SLC14A2: variants seen among roughly 807,000 people sequenced by gnomAD.
SLC14A2 encodes solute carrier family 14 member 2.
In SLC14A2, 91 loss-of-function variants were observed where a neutral mutation model predicts 104.6. That is an observed-to-expected ratio of 0.87 (90% CI 0.73 to 1.04). The LOEUF is 1.04. Ranked by LOEUF, SLC14A2 falls within the 50% of genes least tolerant of loss-of-function variation. The pLI, the probability that SLC14A2 is intolerant of heterozygous loss-of-function variation, is 0.00. For missense variants in SLC14A2, 1,189 were observed against 1,156.0 expected, an observed-to-expected ratio of 1.03 and a Z score of -0.41; for synonymous variants, 476 against 466.4, an observed-to-expected ratio of 1.02 and a Z score of -0.27.
At chr18:45,335,911 A>T (rs1038442780) in intron 1 of SLC14A2, among the ~76,000 whole-genome samples, 1 of 152,192 alleles carries the variant, frequency 6.6e-6, no homozygotes, top group Non-Finnish European at 1.5e-5. Context: ...AGGTAGATGA[A>T]GCGCTGGGCT....
intron 1 of SLC14A2, among the ~76,000 whole-genome samples, chr18:45,233,660 ATCTT>A (rs2084196753): frequency 6.6e-6 from 1 of 152,172 alleles, no homozygotes; most frequent in Non-Finnish European, 1.5e-5. Context: ...TGCTGGGCTG[ATCTT>A]TCTAAGTGTC....
At chr18:45,407,952 A>C (rs1320981887) in intron 1 of SLC14A2, among the ~76,000 whole-genome samples, 9 of 152,256 alleles carry the variant, frequency 5.9e-5, no homozygotes, top group African/African-American at 2.2e-4. Flanking sequence ...TGTAATAATT[A>C]CCAAACTGTA....
Position 45,637,196 on chromosome 18 carries a change from C to A in SLC14A2, c.843+14C>A, listed in dbSNP as rs144400106. 8.0e-3 allele frequency: 12,950 copies of A among 1,609,018 alleles called. 84 individuals are homozygous for A. The highest frequency in any genetic ancestry group is 0.043 in the Middle Eastern group (258 of 6,034). ...GAAATGCCCCTGGTAAGTTACCCAG[C>A]GGTGATGAGTTGAGACCCCCATATT... On this transcript the variant is annotated intron_variant, in intron 6 of 19. Coordinates refer to ENST00000255226, the MANE Select transcript of SLC14A2 (RefSeq NM_007163.4).
intron 2 of SLC14A2, among the ~76,000 whole-genome samples, chr18:45,488,020 GA>G (rs1337242660): frequency 6.6e-6 from 1 of 151,986 alleles, no homozygotes; most frequent in Non-Finnish European, 1.5e-5. Flanking sequence ...TTTTACATGT[GA>G]AAAAAATAAA....
the SLC14A2 span, among the ~76,000 whole-genome samples, chr18:45,194,087 T>A: frequency 9.2e-5 from 14 of 152,334 alleles, no homozygotes; most frequent in Non-Finnish European, 1.9e-4. Context: ...TCCCTCATAG[T>A]CAACTTTTTT....
chr18:45,218,004 T>C (rs1468106240), intron 1 of SLC14A2, among the ~76,000 whole-genome samples: 1 of 152,228 alleles, frequency 6.6e-6, no homozygotes, highest in Non-Finnish European at 1.5e-5. Context: ...TCCAGTTACT[T>C]GTTTTATTGT....
intron 1 of SLC14A2, among the ~76,000 whole-genome samples, chr18:45,225,263 T>G (rs1450816561): frequency 2.0e-5 from 3 of 151,694 alleles, no homozygotes; most frequent in Middle Eastern, 3.4e-3. Context: ...TTTCCCCATT[T>G]CTTGTTTTTG....
At chr18:45,186,757 G>A in the SLC14A2 span, among the ~76,000 whole-genome samples, 55,038 of 151,860 alleles carry the variant, frequency 0.36, 11,051 homozygotes, top group Non-Finnish European at 0.47. Flanking sequence ...CTTACAAGGT[G>A]GTTGCAATGA....
chr18:45,537,059 C>T (rs936918074), intron 2 of SLC14A2, among the ~76,000 whole-genome samples: 1 of 137,908 alleles, frequency 7.3e-6, no homozygotes, highest in South Asian at 2.7e-4. Flanking sequence ...CCCTCCCTCC[C>T]TCCCTCCCTT....
the SLC14A2 span, among the ~76,000 whole-genome samples, chr18:45,170,014 A>C: frequency 6.6e-6 from 1 of 152,200 alleles, no homozygotes; most frequent in African/African-American, 2.4e-5. Flanking sequence ...CAGAGAAAAA[A>C]TTTCTGGCTG....
chr18:45,439,344 A>G (rs908683895), intron 1 of SLC14A2, among the ~76,000 whole-genome samples: 6 of 152,158 alleles, frequency 3.9e-5, no homozygotes, highest in African/African-American at 1.4e-4. Context: ...GTTAACTTAG[A>G]TACTAACCTG....
chr18:45,537,841 T>A (rs1016995675), intron 2 of SLC14A2, among the ~76,000 whole-genome samples: 2 of 151,830 alleles, frequency 1.3e-5, no homozygotes, highest in African/African-American at 4.8e-5. Context: ...AGGAGTTGAG[T>A]TTTGGAGTAA....
the SLC14A2 span, among the ~76,000 whole-genome samples, chr18:45,204,877 G>T: frequency 6.6e-6 from 1 of 151,830 alleles, no homozygotes. Flanking sequence ...ACTTTCCTCT[G>T]CCTCACACTC....
intron 1 of SLC14A2, among the ~76,000 whole-genome samples, chr18:45,445,207 G>A (rs2086747925): frequency 6.7e-6 from 1 of 148,924 alleles, no homozygotes; most frequent in African/African-American, 2.5e-5. Context: ...CGCCTCCCAG[G>A]TTCAAGCAAT....
intron 10 of SLC14A2, among the ~76,000 whole-genome samples, chr18:45,660,613 A>G (rs1599139075): frequency 6.6e-6 from 1 of 152,360 alleles, no homozygotes; most frequent in South Asian, 2.1e-4. Context: ...TCTTTCTGGG[A>G]GAATTTCATG....
rs1555690514 is a variant in SLC14A2 at position 45,455,637 on chromosome 18, C to CATAATAACA, written c.-124-27589_-124-27588insCAATAATAA. On this transcript the variant is annotated intron_variant, in intron 1 of 20. Transcript: ENST00000586448. ...CTGCCATGTACCCCAGAACTTAAAG[C>CATAATAACA]ATAATAATAATAATAATAATAAAGT... Among the ~76,000 whole-genome samples, 702 of 148,994 alleles carry CATAATAACA rather than the reference C, an allele frequency of 4.7e-3. 5 individuals are homozygous for CATAATAACA. Among genetic ancestry groups the CATAATAACA allele is most frequent in the Non-Finnish European group, 7.1e-3 (479 of 67,310 alleles).
At chr18:45,497,307 T>C (rs1217204176) in intron 2 of SLC14A2, among the ~76,000 whole-genome samples, 2 of 152,160 alleles carry the variant, frequency 1.3e-5, no homozygotes, top group African/African-American at 4.8e-5. Flanking sequence ...CAACCGTGTA[T>C]TGATCCCCTT....
intron 1 of SLC14A2, among the ~76,000 whole-genome samples, chr18:45,248,660 A>T (rs1391276802): frequency 2.6e-5 from 4 of 152,222 alleles, no homozygotes; most frequent in Admixed American, 6.5e-5. Context: ...ATTGGCATTC[A>T]GGAAATGTTT....
At chr18:45,503,634 C>T (rs1036655823) in intron 2 of SLC14A2, among the ~76,000 whole-genome samples, 5 of 152,190 alleles carry the variant, frequency 3.3e-5, no homozygotes, top group South Asian at 2.1e-4. Flanking sequence ...CAAAGCTCCA[C>T]GTACTCTTTC....
Sources: gnomAD v4.1 joint callset for allele counts (sites outside exome capture counted in the v4.1 genomes callset) on GRCh38, gnomAD v4.1.1 for gene constraint, MANE v1.5 for transcripts, NCBI Gene and HGNC (gene_info 2026-07-23, HGNC 2026-07-21) for gene names.